PSME3IP1: variants seen among roughly 807,000 people sequenced by gnomAD.
PSME3IP1 encodes PSME3-interacting protein.
PSME3IP1 carries 13 observed loss-of-function variants against 34.1 expected under a neutral mutation model. The observed-to-expected ratio is 0.38, with a 90% confidence interval of 0.25 to 0.61. The LOEUF (loss-of-function observed/expected upper bound fraction) is 0.61, where lower values mean the gene tolerates loss of function less well. PSME3IP1 is among the 20% of genes least tolerant of loss of function. PSME3IP1 has a pLI of 0.60. For synonymous variants in PSME3IP1, 93 were observed against 114.3 expected, an observed-to-expected ratio of 0.81 and a Z score of 1.19; for missense variants, 237 against 301.4, an observed-to-expected ratio of 0.79 and a Z score of 1.58.
chr16:57,183,108 G>A (rs2073881321), intron 1 of PSME3IP1, among the ~76,000 whole-genome samples: 2 of 152,178 alleles, frequency 1.3e-5, no homozygotes, highest in African/African-American at 4.8e-5. Flanking sequence ...AGGAAGACTA[G>A]AATAAGCATT....
At chr16:57,173,657 G>T in intron 2 of PSME3IP1, 71 bp downstream of exon 2, 1 of 1,547,756 alleles carries the variant, frequency 6.5e-7, no homozygotes, top group Non-Finnish European at 8.8e-7. Context: ...AACCAAGTGA[G>T]GACAATTAAT....
At chr16:57,168,803 C>CAAAAAAAAAA (rs1189721344) in intron 4 of PSME3IP1, among the ~76,000 whole-genome samples, 1 of 23,900 alleles carries the variant, frequency 4.2e-5, no homozygotes, top group Non-Finnish European at 7.5e-5. Context: ...AACTCTGTCT[C>CAAAAAAAAAA]AAAAAAAAAA....
rs1272498673 is a variant in PSME3IP1, at chr16:57,153,812, T to C, written c.*478A>G. The C allele has an allele frequency of 6.4e-6, 1 of 156,690 alleles. No individual in the cohort carries two copies. The highest frequency in any genetic ancestry group is 6.3e-5 in the Admixed American group (1 of 15,994). The allele number at this position is 156,690 out of a possible 1,614,324, so 9.7% of individuals were successfully genotyped here. A position where few individuals can be genotyped will look rare whatever the true frequency, so the allele number is the denominator to read the frequency against. On this transcript the variant is annotated 3_prime_UTR_variant, in exon 7 of 7. Transcript: ENST00000309137. ...CAGGGAAGGGCTCCATTTCACTACC[T>C]GGGTCAGTTCTCTTCCCCCGCATGC...
intron 1 of PSME3IP1, chr16:57,175,763 C>T (rs191140303): frequency 6.6e-6 from 1 of 151,978 alleles, no homozygotes; most frequent in East Asian, 1.9e-4. Context: ...AACACTAAAT[C>T]TTAGTTGAAA....
rs564364419 is a variant in PSME3IP1 at position 57,174,175 on chromosome 16, T to C, written c.-15-306A>G. On this transcript the variant is annotated intron_variant, in intron 1 of 6. Transcript: ENST00000309137. ...CAGGCACGGTGGCACGCACCTGTAA[T>C]CCCAGCTACTCAGGAGGCTGAGGCA... 24 of 236,632 alleles carry C rather than the reference T, an allele frequency of 1.0e-4. No individual in the cohort carries two copies. In the South Asian group the frequency reaches 1.2e-3, roughly 12 times the overall value. The allele number at this position is 236,632 out of a possible 1,614,324, so 14.7% of individuals were successfully genotyped here.
intron 2 of PSME3IP1, 128 bp downstream of exon 2, chr16:57,173,600 G>T (rs1377483536): frequency 4.3e-6 from 5 of 1,157,568 alleles, no homozygotes; most frequent in Non-Finnish European, 6.0e-6. Flanking sequence ...CTGCACTCCA[G>T]CCTGGGCAAC....
intron 6 of PSME3IP1, among the ~76,000 whole-genome samples, chr16:57,158,827 A>G (rs1171302969): frequency 6.6e-6 from 1 of 152,224 alleles, no homozygotes; most frequent in East Asian, 1.9e-4. Context: ...TGTAGGCCAC[A>G]TGGTATATAG....
intron 5 of PSME3IP1, 51 bp from the exon 6 acceptor site, chr16:57,164,116 A>G (rs1438338812): frequency 6.5e-7 from 1 of 1,546,474 alleles, no homozygotes; most frequent in South Asian, 1.1e-5. Context: ...TGTGGATCAA[A>G]GCTTAGGGAA....
rs775936252 is a variant in PSME3IP1, at chr16:57,153,878, T to C, written c.*412A>G. The C allele has an allele frequency of 2.1e-5, 4 of 191,576 alleles. No individual in the cohort carries two copies. Among genetic ancestry groups the C allele is most frequent in the Non-Finnish European group, 4.4e-5 (4 of 91,404 alleles). The allele number at this position is 191,576 out of a possible 1,614,324, so 11.9% of individuals were successfully genotyped here. The stretch of plus-strand genomic sequence containing the variant: ...AACCAAACAACACATTCATTTACAA[T>C]AGAATGTTTAAATAACACCTGTCCA... On this transcript the variant is annotated 3_prime_UTR_variant, in exon 7 of 7. Coordinates refer to ENST00000309137, the MANE Select transcript of PSME3IP1 (RefSeq NM_024946.4).
chr16:57,165,045 GAAA>G (rs1298235053), intron 5 of PSME3IP1, among the ~76,000 whole-genome samples: 4 of 136,826 alleles, frequency 2.9e-5, no homozygotes, highest in Non-Finnish European at 6.4e-5. Flanking sequence ...AAAAGAAAAA[GAAA>G]AAGAAAAGAA....
intron 1 of PSME3IP1, among the ~76,000 whole-genome samples, chr16:57,175,173 C>A (rs745331042): frequency 6.6e-6 from 1 of 152,032 alleles, no homozygotes; most frequent in Non-Finnish European, 1.5e-5. Flanking sequence ...TGCCAACACG[C>A]CCAGCTAATT....
intron 4 of PSME3IP1, 135 bp downstream of exon 4, chr16:57,172,116 G>A: frequency 1.1e-6 from 1 of 887,704 alleles, no homozygotes; most frequent in South Asian, 1.7e-5. Flanking sequence ...CAGAATTACA[G>A]GAATATCAGT....
Position 57,154,448 on chromosome 16 carries a change from G to T in PSME3IP1, c.607C>A (p.Pro203Thr). ...TSLSGPSIHCPSAAVCIGILP... is the reference protein window; with the variant it reads ...TSLSGPSIHCTSAAVCIGILP... The stretch of plus-strand genomic sequence containing the variant: ...ATGCCGATACATACTGCAGCAGAGG[G>T]GCAGTGGATGGAGGGGCCACTCAGG... The change falls in exon 7 of 7, where the codon CCC becomes ACC. Residue 203 changes from proline to threonine, a missense_variant. Physicochemically the swap from Pro to Thr is conservative, Grantham distance 38 (BLOSUM62 -1). Coordinates refer to ENST00000309137, the MANE Select transcript of PSME3IP1 (RefSeq NM_024946.4). The surrounding 1 kb of genome is among the most constrained non-coding windows in gnomAD (Gnocchi z 4.0). 1 of 1,613,976 alleles carries T rather than the reference G, an allele frequency of 6.2e-7. No individual in the cohort carries two copies. Among genetic ancestry groups the T allele is most frequent in the Non-Finnish European group, 8.5e-7 (1 of 1,179,938 alleles).
At chr16:57,172,178 G>A (rs1051113220) in intron 4 of PSME3IP1, 73 bp downstream of exon 4, 25 of 1,527,090 alleles carry the variant, frequency 1.6e-5, no homozygotes, top group Non-Finnish European at 2.0e-5. Context: ...TTCTGTTGAT[G>A]AGGAGACAAC....
At chr16:57,185,785 G>A (rs1446813825) in intron 1 of PSME3IP1, 36 bp downstream of exon 1, 6 of 985,350 alleles carry the variant, frequency 6.1e-6, no homozygotes, top group Non-Finnish European at 7.2e-6. Context: ...TGGAACCCAG[G>A]TGTCGCCGCC....
chr16:57,182,572 A>C (rs1193906682), intron 1 of PSME3IP1, among the ~76,000 whole-genome samples: 1 of 150,536 alleles, frequency 6.6e-6, no homozygotes, highest in African/African-American at 2.4e-5. Context: ...AAAAAAAAAA[A>C]AAAACTTTGC....
chr16:57,185,534 G>A (rs1449267232), intron 1 of PSME3IP1: 1 of 985,398 alleles, frequency 1.0e-6, no homozygotes, highest in Non-Finnish European at 1.2e-6. Context: ...TTGAAACCTG[G>A]GTGGCCCTAC....
chr16:57,167,369 G>T, intron 4 of PSME3IP1, 143 bp from the exon 5 acceptor site: 1 of 954,520 alleles, frequency 1.0e-6, no homozygotes, highest in Non-Finnish European at 1.6e-6. Context: ...GTCAAATCCA[G>T]CCAATTCAAA....
At chr16:57,170,040 A>C (rs1346720532) in intron 4 of PSME3IP1, among the ~76,000 whole-genome samples, 1 of 149,506 alleles carries the variant, frequency 6.7e-6, no homozygotes, top group African/African-American at 2.5e-5. Flanking sequence ...ATCAATTCCC[A>C]GGGAATCAGG....
Sources: gnomAD v4.1 joint callset for allele counts (sites outside exome capture counted in the v4.1 genomes callset) on GRCh38, gnomAD v4.1.1 for gene constraint, Gnocchi (gnomAD v3.1) non-coding constraint, MANE v1.5 for transcripts, NCBI Gene and HGNC (gene_info 2026-07-23, HGNC 2026-07-21) for gene names.